The following ARHGAP18 variants were observed in gnomAD, a reference collection of about 807,000 sequenced individuals.
ARHGAP18 encodes the protein Rho GTPase activating protein 18.
In ARHGAP18, 67 loss-of-function variants were observed where a neutral mutation model predicts 86.2. The ratio of observed to expected loss-of-function variants is 0.78; its 90% confidence interval spans 0.64 to 0.95. The LOEUF is 0.95. Among genes scored for constraint, ARHGAP18 ranks in the 40% least tolerant of loss-of-function variants. The pLI, the probability that ARHGAP18 is intolerant of heterozygous loss-of-function variation, is 0.00. For missense variants in ARHGAP18, 691 were observed against 780.4 expected, an observed-to-expected ratio of 0.89 and a Z score of 1.37; for synonymous variants, 283 against 280.4, an observed-to-expected ratio of 1.01 and a Z score of -0.09.
intron 5 of ARHGAP18, among the ~76,000 whole-genome samples, chr6:129,625,808 T>TATTTATATATAA (rs1789432094): frequency 1.3e-5 from 1 of 77,182 alleles, no homozygotes; most frequent in African/African-American, 5.3e-5. Context: ...ATATTATATA[T>TATTTATATATAA]TATATATTTA....
intron 7 of ARHGAP18, 41 bp downstream of exon 7, chr6:129,616,171 A>G (rs1391116145): frequency 4.9e-6 from 7 of 1,438,464 alleles, no homozygotes; most frequent in Non-Finnish European, 6.7e-6. Context: ...CTATTAGCTT[A>G]AGTATGTTCT....
intron 12 of ARHGAP18, among the ~76,000 whole-genome samples, chr6:129,592,802 T>C (rs1788543488): frequency 1.3e-5 from 2 of 152,132 alleles, no homozygotes; most frequent in African/African-American, 4.8e-5. Context: ...TCATCAAAGC[T>C]GCCCCCTACA....
chr6:129,674,408 C>T lies in ARHGAP18; in HGVS notation c.114-32390G>A, dbSNP rs150471184. Among the ~76,000 whole-genome samples the T allele has an allele frequency of 2.4e-3, 373 of 152,322 alleles. 2 individuals are homozygous for T. Among genetic ancestry groups the T allele is most frequent in the Middle Eastern group, 0.014 (4 of 294 alleles). On this transcript the variant is annotated intron_variant, in intron 1 of 14. Coordinates refer to ENST00000368149, the MANE Select transcript of ARHGAP18 (RefSeq NM_033515.3). ...GTTCTAGGACACTACAAAAAATGTA[C>T]TGAATTATTTTTCTGTGACACGACT...
Position 129,642,038 on chromosome 6 carries a change from C to T in ARHGAP18, c.114-20G>A, listed in dbSNP as rs769153664. ...CTGCGACTGTAAATTCAAAAGAACC[C>T]ATGGTTTATTTTAGTACAAAAGGAA... On this transcript the variant is annotated intron_variant, in intron 1 of 14. Transcript: ENST00000368149. The T allele has an allele frequency of 3.7e-6, 6 of 1,608,826 alleles. No homozygotes were observed. Among genetic ancestry groups the T allele is most frequent in the Admixed American group, 3.3e-5 (2 of 59,728 alleles).
intron 5 of ARHGAP18, among the ~76,000 whole-genome samples, chr6:129,626,660 A>C (rs974223171): frequency 1.7e-5 from 2 of 119,732 alleles, no homozygotes; most frequent in African/African-American, 6.1e-5. Flanking sequence ...GTACCCCCAA[A>C]ACACACACAC....
At chr6:129,695,853 A>G (rs1212991649) in intron 1 of ARHGAP18, among the ~76,000 whole-genome samples, 1 of 152,192 alleles carries the variant, frequency 6.6e-6, no homozygotes, top group Non-Finnish European at 1.5e-5. Flanking sequence ...AGGGAAAAAC[A>G]TTGTCCACCA....
intron 1 of ARHGAP18, among the ~76,000 whole-genome samples, chr6:129,653,027 A>C (rs1450450090): frequency 2.0e-5 from 3 of 152,220 alleles, no homozygotes; most frequent in Non-Finnish European, 2.9e-5. Flanking sequence ...ATCTGATAAT[A>C]ACGAAAGCTA....
chr6:129,610,611 C>T (rs1788956461), intron 8 of ARHGAP18, among the ~76,000 whole-genome samples: 2 of 152,078 alleles, frequency 1.3e-5, no homozygotes, highest in Admixed American at 6.5e-5. Context: ...CTGCAGGAGT[C>T]TATGATCCTG....
intron 1 of ARHGAP18, among the ~76,000 whole-genome samples, chr6:129,703,918 A>T (rs994591683): frequency 1.3e-5 from 2 of 152,226 alleles, no homozygotes; most frequent in African/African-American, 4.8e-5. Flanking sequence ...ATAAAATTTA[A>T]ATATTACACA....
chr6:129,626,524 A>T (rs1361617869), intron 5 of ARHGAP18, among the ~76,000 whole-genome samples: 3 of 152,052 alleles, frequency 2.0e-5, no homozygotes, highest in Non-Finnish European at 4.4e-5. Flanking sequence ...ATCTCTAAAA[A>T]TTGAAAATAA....
intron 1 of ARHGAP18, among the ~76,000 whole-genome samples, chr6:129,648,042 A>T (rs1773615255): frequency 6.6e-6 from 1 of 152,244 alleles, no homozygotes. Flanking sequence ...AATCTTGTTG[A>T]CACAGTCTAT....
intron 1 of ARHGAP18, among the ~76,000 whole-genome samples, chr6:129,671,408 G>A (rs1345422929): frequency 2.0e-5 from 3 of 152,200 alleles, no homozygotes; most frequent in Non-Finnish European, 4.4e-5. Context: ...AAATGAAGAT[G>A]TGAATTAGGG....
chr6:129,657,686 G>A (rs1465969334), intron 1 of ARHGAP18, among the ~76,000 whole-genome samples: 1 of 152,150 alleles, frequency 6.6e-6, no homozygotes, highest in African/African-American at 2.4e-5. Flanking sequence ...TCCTCAAAAA[G>A]CTTCCAAGTA....
At chr6:129,601,115 G>A (rs1465108326) in intron 10 of ARHGAP18, among the ~76,000 whole-genome samples, 3 of 152,144 alleles carry the variant, frequency 2.0e-5, no homozygotes, top group Non-Finnish European at 4.4e-5. Flanking sequence ...GAGAGGAGTG[G>A]GGAAGTGTCA....
At chr6:129,641,247 T>G (rs17811583) in intron 2 of ARHGAP18, among the ~76,000 whole-genome samples, 43,268 of 152,036 alleles carry the variant, frequency 0.28, 6,329 homozygotes, top group Non-Finnish European at 0.3. Context: ...TTTCTAGAAA[T>G]GTCTTGGCTA....
Position 129,639,430 on chromosome 6 carries a change from C to T in ARHGAP18, c.317-801G>A, listed in dbSNP as rs149622781. On this transcript the variant is annotated intron_variant, in intron 2 of 14. Transcript: ENST00000368149. ...AAAGACCTGGATCTGTACCCCATTT[C>T]TGCAACTTGATAGCCAAGTCTCTTT... Among the ~76,000 whole-genome samples the T allele has an allele frequency of 5.1e-3, 780 of 152,306 alleles. 19 individuals are homozygous for T. The highest frequency in any genetic ancestry group is 2.1e-3 in the Non-Finnish European group (142 of 68,028).
chr6:129,691,282 G>A (rs1208436925), intron 1 of ARHGAP18, among the ~76,000 whole-genome samples: 1 of 152,102 alleles, frequency 6.6e-6, no homozygotes. Context: ...CACCAGCATG[G>A]GGCCCTTAGA....
chr6:129,576,463 A>C lies in ARHGAP18; in HGVS notation c.*2050T>G, dbSNP rs572776603. On this transcript the variant is annotated 3_prime_UTR_variant, in exon 15 of 15. Transcript: ENST00000368149. ...AAAACAGAGCAAGACCCTGTCTCTA[A>C]AAAATTTGAGATTTTTTAAAGTCCA... The C allele has an allele frequency of 5.4e-4, 83 of 152,356 alleles. No individual in the cohort carries two copies. The highest frequency in any genetic ancestry group is 1.9e-3 in the African/African-American group (81 of 41,582). The allele number at this position is 152,356 out of a possible 1,614,324, so 9.4% of individuals were successfully genotyped here.
intron 1 of ARHGAP18, among the ~76,000 whole-genome samples, chr6:129,692,538 C>T (rs1301398231): frequency 6.6e-6 from 1 of 152,164 alleles, no homozygotes; most frequent in African/African-American, 2.4e-5. Flanking sequence ...CAAAAACATA[C>T]AGACATCACC....
Sources: gnomAD v4.1 joint callset for allele counts (sites outside exome capture counted in the v4.1 genomes callset) on GRCh38, gnomAD v4.1.1 for gene constraint, MANE v1.5 for transcripts, NCBI Gene and HGNC (gene_info 2026-07-23, HGNC 2026-07-21) for gene names.